NAT10: variants seen among roughly 807,000 people sequenced by gnomAD.
NAT10 encodes the protein N-acetyltransferase 10.
Under a neutral mutation model 132.2 loss-of-function variants are expected in NAT10, and 109 were observed. The observed-to-expected ratio is 0.82, with a 90% CI of 0.71 to 0.97. The LOEUF is 0.97. Among genes scored for constraint, NAT10 ranks in the 50% least tolerant of loss-of-function variants. The probability of loss-of-function intolerance (pLI) is 0.00; values close to 1 mark genes in which losing one functional copy is unlikely to be tolerated. For synonymous variants in NAT10, 479 were observed against 478.0 expected (o/e 1.00, Z -0.03); for missense variants, 1,184 against 1,263.4 (o/e 0.94, Z 0.95).
chr11:34,122,677 C>T (rs2132951091), intron 9 of NAT10, 85 bp downstream of exon 9: 2 of 1,540,670 alleles, frequency 1.3e-6, no homozygotes, highest in East Asian at 4.7e-5. Context: ...ACTGGTATCT[C>T]ACGTTCCTAG....
intron 11 of NAT10, among the ~76,000 whole-genome samples, chr11:34,126,714 A>G (rs1851999970): frequency 6.6e-6 from 1 of 152,136 alleles, no homozygotes. Flanking sequence ...TTCACTGATT[A>G]TTGTTGAGGT....
chr11:34,106,560 G>C (rs941693985), intron 1 of NAT10, among the ~76,000 whole-genome samples: 4 of 152,140 alleles, frequency 2.6e-5, no homozygotes, highest in African/African-American at 9.7e-5. Flanking sequence ...AGTAGCTAGA[G>C]CAAAAGGCAG....
chr11:34,141,155 C>A lies in NAT10; in HGVS notation c.2659C>A (p.Pro887Thr). Residue 887 changes from proline (P) to threonine (T), a missense_variant, in exon 25 of 29, where the codon CCC becomes ACC. Physicochemically the swap from Pro to Thr is conservative, Grantham distance 38. Transcript: ENST00000257829. ...CCAGCTGGAAAAGGAGATTGAGCTG[C>A]CCTCGGGCCAGTTGATGGGACTTTT... ...VDQLEKEIEL[P>T]SGQLMGLFNR... 1 of 1,614,004 alleles carries A rather than the reference C, an allele frequency of 6.2e-7. No homozygotes were observed. Among genetic ancestry groups the A allele is most frequent in the Non-Finnish European group, 8.5e-7 (1 of 1,180,014 alleles).
intron 24 of NAT10, among the ~76,000 whole-genome samples, 172 bp downstream of exon 24, chr11:34,140,744 C>T (rs968780250): frequency 6.6e-6 from 1 of 152,062 alleles, no homozygotes; most frequent in Non-Finnish European, 1.5e-5. Flanking sequence ...GCTCTGAAGT[C>T]GAGTAATGTG....
At chr11:34,126,769 A>G (rs929215669) in intron 11 of NAT10, among the ~76,000 whole-genome samples, 2 of 152,254 alleles carry the variant, frequency 1.3e-5, no homozygotes, top group Non-Finnish European at 1.5e-5. Context: ...GTTTCCTATA[A>G]GATACCTCTT....
intron 8 of NAT10, among the ~76,000 whole-genome samples, chr11:34,120,369 T>G (rs1370795719): frequency 6.6e-6 from 1 of 152,222 alleles, no homozygotes; most frequent in Admixed American, 6.5e-5. Context: ...AAATACGACC[T>G]GGATTCCCTT....
intron 11 of NAT10, 39 bp downstream of exon 11, chr11:34,124,439 G>C: frequency 6.9e-7 from 1 of 1,453,692 alleles, no homozygotes; most frequent in Non-Finnish European, 9.6e-7. Flanking sequence ...CAGGGCCAGT[G>C]TCTTGCTGTA....
At position 34,118,394 on chromosome 11, in the gene NAT10, A is replaced by G. The variant is rs201239458; in HGVS notation, c.673-2A>G. 2.0e-5 allele frequency: 33 copies of G among 1,613,662 alleles called. No individual in the cohort carries two copies. Among genetic ancestry groups the G allele is most frequent in the Non-Finnish European group, 2.7e-5 (32 of 1,179,708 alleles). Reference sequence around the variant, plus strand: ...ACCTTCCCCTTCTCCTCTCTCTGGTAGGATGAGAGTCTTGGTCCTTCTGAT... The same window carrying G: ...ACCTTCCCCTTCTCCTCTCTCTGGTGGGATGAGAGTCTTGGTCCTTCTGAT... On this transcript the variant is annotated splice_acceptor_variant, in intron 7 of 28. Coordinates refer to ENST00000257829, the MANE Select transcript of NAT10 (RefSeq NM_024662.3). LOFTEE classifies it high-confidence loss of function.
intron 21 of NAT10, chr11:34,138,836 C>A (rs895010127): frequency 4.7e-6 from 1 of 212,058 alleles, no homozygotes; most frequent in East Asian, 1.1e-4. Context: ...GATTGTGTGG[C>A]GCTTAAGCCC....
intron 23 of NAT10, 21 bp from the exon 24 acceptor site, chr11:34,140,379 A>G (rs200490919): frequency 8.9e-5 from 143 of 1,605,708 alleles, no homozygotes; most frequent in Non-Finnish European, 1.2e-4. Flanking sequence ...TAACCTGTCT[A>G]GCTCTCTATC....
In NAT10 at chr11:34,146,604, C is replaced by A. The variant is rs1852445861; in HGVS notation, c.*412C>A. ...TGCCCAGGAGGCTGCTGCTGGGCCG[C>A]TGGGTCTCTCTTTGTGGACTTGTAC... On this transcript the variant is annotated 3_prime_UTR_variant, in exon 29 of 29. Transcript: ENST00000257829. 1.3e-5 allele frequency: 2 copies of A among 157,630 alleles called. No individual in the cohort carries two copies. The highest frequency in any genetic ancestry group is 1.9e-4 in the South Asian group (1 of 5,378). The allele number at this position is 157,630 out of a possible 1,614,324, so 9.8% of individuals were successfully genotyped here.
intron 28 of NAT10, among the ~76,000 whole-genome samples, chr11:34,145,270 A>G (rs1464149564): frequency 8.5e-5 from 13 of 152,238 alleles, no homozygotes; most frequent in South Asian, 4.1e-4. Context: ...GTGGTTGTTC[A>G]TGTGCTTGAT....
intron 4 of NAT10, 113 bp from the exon 5 acceptor site, chr11:34,113,603 C>G: frequency 3.0e-6 from 4 of 1,321,608 alleles, no homozygotes; most frequent in Non-Finnish European, 4.0e-6. Flanking sequence ...CGCCACTGCA[C>G]TCCAGCCTGG....
chr11:34,112,346 A>G, intron 4 of NAT10, 123 bp downstream of exon 4: 1 of 1,161,048 alleles, frequency 8.6e-7, no homozygotes, highest in East Asian at 2.5e-5. Flanking sequence ...CCTATGCCCA[A>G]GCATTATTAG....
At chr11:34,141,626 A>G in intron 25 of NAT10, 93 bp from the exon 26 acceptor site, 1 of 1,086,940 alleles carries the variant, frequency 9.2e-7, no homozygotes. Context: ...CAAAATGCAC[A>G]CCTTTCTATA....
chr11:34,122,945 C>A lies in NAT10; in HGVS notation c.914+353C>A, dbSNP rs114521341. 6.2e-3 allele frequency among the ~76,000 whole-genome samples: 937 copies of A among 152,294 alleles called. 12 individuals carry two copies. Among genetic ancestry groups the A allele is most frequent in the African/African-American group, 0.021 (884 of 41,550 alleles). ...CCAGCCTTGCTGACTGAGAAAAGTA[C>A]AAGTTTGACATTTTAATGATTTTGA... On this transcript the variant is annotated intron_variant, in intron 9 of 28. Coordinates refer to ENST00000257829, the MANE Select transcript of NAT10 (RefSeq NM_024662.3).
intron 1 of NAT10, among the ~76,000 whole-genome samples, chr11:34,107,510 T>A (rs1851616344): frequency 6.6e-6 from 1 of 152,286 alleles, no homozygotes; most frequent in Non-Finnish European, 1.5e-5. Context: ...AGCTACTTTA[T>A]ACTTTGGTAT....
intron 5 of NAT10, among the ~76,000 whole-genome samples, chr11:34,114,651 T>TC (rs900996687): frequency 6.6e-6 from 1 of 152,160 alleles, no homozygotes; most frequent in Non-Finnish European, 1.5e-5. Flanking sequence ...GGAATGTGCT[T>TC]CCTCTGGACC....
chr11:34,124,837 T>C (rs1245012926), intron 11 of NAT10, among the ~76,000 whole-genome samples: 1 of 152,232 alleles, frequency 6.6e-6, no homozygotes, highest in Non-Finnish European at 1.5e-5. Context: ...GCCTATTTTC[T>C]TTTTTAAACA....
Sources: allele counts gnomAD v4.1 joint callset (sites outside exome capture counted in the v4.1 genomes callset), GRCh38; gene constraint gnomAD v4.1.1; transcripts MANE v1.5; gene names NCBI Gene and HGNC (gene_info 2026-07-23, HGNC 2026-07-21).